Variants in ARHGAP21 observed in about 807,000 individuals in gnomAD.
The protein encoded by ARHGAP21 is Rho GTPase activating protein 21.
ARHGAP21 carries 38 observed loss-of-function variants against 164.6 expected under a neutral mutation model. That is an observed-to-expected ratio of 0.23 (90% confidence interval 0.18 to 0.30). The LOEUF (loss-of-function observed/expected upper bound fraction) is 0.30, where lower values mean the gene tolerates loss of function less well. Among genes scored for constraint, ARHGAP21 ranks in the 10% least tolerant of loss-of-function variants. The pLI is 1.00. For synonymous variants in ARHGAP21, 766 were observed against 857.9 expected (o/e 0.89, Z 1.87); for missense variants, 1,822 against 2,370.7 (o/e 0.77, Z 4.81).
chr10:24,585,664 G>A lies in ARHGAP21; in HGVS notation c.4625C>T (p.Thr1542Ile), dbSNP rs2076073104. The A allele has an allele frequency of 1.2e-6, 2 of 1,614,194 alleles. No individual in the cohort carries two copies. The highest frequency in any genetic ancestry group is 1.7e-5 in the Admixed American group (1 of 60,014). The change falls in exon 26 of 26, where the codon ACA becomes ATA. Residue 1542 changes from threonine (T) to isoleucine (I), a missense_variant. Physicochemically the swap from Thr to Ile is moderately conservative, Grantham distance 89 (BLOSUM62 -1). Around this residue, in one of 5 missense-constraint regions of ARHGAP21, gnomAD observed 333 missense variants for 383.9 expected, o/e 0.87. Coordinates refer to ENST00000396432, the MANE Select transcript of ARHGAP21 (RefSeq NM_020824.4). ...LAQKSSHLEETGSDSGTLLST... is the reference protein window; with the variant it reads ...LAQKSSHLEEIGSDSGTLLST... ...GAGCAAAGTGCCAGAGTCAGAGCCT[G>A]TCTCTTCAAGGTGGGAGGACTTCTG... is the stretch of plus-strand genomic sequence containing the variant.
intron 9 of ARHGAP21, among the ~76,000 whole-genome samples, chr10:24,616,057 C>A (rs1028733408): frequency 6.6e-6 from 1 of 152,054 alleles, no homozygotes; most frequent in African/African-American, 2.4e-5. Context: ...GGATTACGGG[C>A]GCAAGCCACT....
chr10:24,668,631 T>C (rs942405627), intron 3 of ARHGAP21, among the ~76,000 whole-genome samples: 2 of 152,192 alleles, frequency 1.3e-5, no homozygotes, highest in African/African-American at 4.8e-5. Context: ...TTTTGGTCTT[T>C]ATTTACAAGT....
intron 9 of ARHGAP21, among the ~76,000 whole-genome samples, chr10:24,614,264 T>C (rs2077383803): frequency 6.6e-6 from 1 of 152,146 alleles, no homozygotes; most frequent in African/African-American, 2.4e-5. Context: ...AATAAAGAAG[T>C]TGGACTTGGG....
rs764726671 is a variant in ARHGAP21 at position 24,635,026 on chromosome 10, C to T, written c.346G>A (p.Ala116Thr). Residue 116 changes from alanine to threonine, a missense_variant, in exon 5 of 26, where the codon GCT (alanine) becomes ACT (threonine). Ala to Thr is a moderately conservative substitution (Grantham distance 58). Coordinates refer to ENST00000396432, the MANE Select transcript of ARHGAP21 (RefSeq NM_020824.4). Reference protein sequence around the residue: ...QVKEGGPAFEAGLCTGDRIIK... With the variant: ...QVKEGGPAFETGLCTGDRIIK... ...ATATCAGCACCTGTACATAATCCAG[C>T]TTCAAAAGCAGGTCCTCCTTCTTTA... 2.5e-6 allele frequency: 4 copies of T among 1,594,590 alleles called. No individual in the cohort carries two copies. The highest frequency in any genetic ancestry group is 1.7e-6 in the Non-Finnish European group (2 of 1,172,366).
intron 7 of ARHGAP21, among the ~76,000 whole-genome samples, chr10:24,626,780 A>G (rs1835182909): frequency 1.3e-5 from 2 of 152,344 alleles, no homozygotes; most frequent in South Asian, 2.1e-4. Flanking sequence ...TGCAATAAAC[A>G]CGAACCTGTC....
chr10:24,684,043 T>C (rs888757855), intron 2 of ARHGAP21, among the ~76,000 whole-genome samples: 1 of 152,292 alleles, frequency 6.6e-6, no homozygotes, highest in African/African-American at 2.4e-5. Flanking sequence ...TCCCAGCACA[T>C]TGGGAGGCCA....
In ARHGAP21 at chr10:24,594,997, G is replaced by A. The variant is rs1383039214; in HGVS notation, c.3829C>T (p.Leu1277Phe). The stretch of plus-strand genomic sequence containing the variant: ...GCCACTGTCTTCAGATGAGCTGAAA[G>A]GAACTTAAGTGTTTCATAATGATGT... Reference protein sequence around the residue: ...PEHHYETLKFLSAHLKTVAEN... With the variant: ...PEHHYETLKFFSAHLKTVAEN... Residue 1277 changes from leucine to phenylalanine, a missense_variant, in exon 21 of 26, where the codon CTT (leucine) becomes TTT (phenylalanine). Coordinates refer to ENST00000396432, the MANE Select transcript of ARHGAP21 (RefSeq NM_020824.4). 6.2e-7 allele frequency: 1 copy of A among 1,612,926 alleles called. No homozygotes were observed.
Position 24,591,957 on chromosome 10 carries a change from T to C in ARHGAP21, c.3932A>G (p.Glu1311Gly). ...GGTGACCATGTGGGTCATGTTGTCT[T>C]CTGATGTTCGAACAAGGGTGGGACC... ...VFGPTLVRTS[E>G]DNMTHMVTHM... The change falls in exon 22 of 26, where the codon GAA becomes GGA. Residue 1311 changes from glutamate to glycine, a missense_variant. Transcript: ENST00000396432. 3 of 1,613,866 alleles carry C rather than the reference T, an allele frequency of 1.9e-6. No individual in the cohort carries two copies. The highest frequency in any genetic ancestry group is 2.5e-6 in the Non-Finnish European group (3 of 1,179,908).
At position 24,640,307 on chromosome 10, in the gene ARHGAP21, T is replaced by TATATATAA. The variant is rs1175994966; in HGVS notation, c.269-5205_269-5204insTTATATAT. The TATATATAA allele has an allele frequency of 1.4e-3, 211 of 150,996 alleles. 4 individuals carry two copies. The East Asian group carries it at 0.035, about 25-fold the overall frequency. 9.4% of individuals were successfully genotyped at this position (150,996 alleles called of 1,614,324 possible). Reference sequence around the variant, plus strand: ...GCTTTAAAATATATATATATATATATAAGAAAGAAAGAAAATAATGGTTAT... The same window carrying TATATATAA: ...GCTTTAAAATATATATATATATATATATATATAAAAGAAAGAAAGAAAATAATGGTTAT... On this transcript the variant is annotated intron_variant, in intron 4 of 25. Coordinates refer to ENST00000396432, the MANE Select transcript of ARHGAP21 (RefSeq NM_020824.4).
chr10:24,589,383 A>C, intron 24 of ARHGAP21, 81 bp from the exon 25 acceptor site: 1 of 1,290,786 alleles, frequency 7.7e-7, no homozygotes, highest in Non-Finnish European at 1.1e-6. Flanking sequence ...TTATGGAAAG[A>C]CAGGCACAGA....
intron 8 of ARHGAP21, among the ~76,000 whole-genome samples, chr10:24,621,974 A>T (rs987764405): frequency 3.3e-5 from 5 of 152,294 alleles, no homozygotes; most frequent in South Asian, 2.1e-4. Context: ...TAAAGCACAT[A>T]TAATAAAGGC....
At chr10:24,628,078 A>G (rs186452394) in intron 7 of ARHGAP21, among the ~76,000 whole-genome samples, 122 of 152,346 alleles carry the variant, frequency 8.0e-4, no homozygotes, top group Non-Finnish European at 1.1e-3. Context: ...CTGTATAAGA[A>G]GAGCACTAGA....
chr10:24,620,937 G>A lies in ARHGAP21; in HGVS notation c.958C>T (p.Pro320Ser). ...TGAGTGGTGGGAATTGATAATGGTG[G>A]TGATGTGGTTCTTGACACTGTTTTT... ...SLKTVSRTTS[P>S]PLSIPTTHLI... Residue 320 changes from proline to serine, a missense_variant, in exon 9 of 26, where the codon CCA becomes TCA. Coordinates refer to ENST00000396432, the MANE Select transcript of ARHGAP21 (RefSeq NM_020824.4). 1.9e-6 allele frequency: 3 copies of A among 1,613,946 alleles called. No homozygotes were observed. The highest frequency in any genetic ancestry group is 1.7e-6 in the Non-Finnish European group (2 of 1,179,858).
intron 2 of ARHGAP21, among the ~76,000 whole-genome samples, chr10:24,683,572 A>G (rs545254493): frequency 2.0e-5 from 3 of 151,906 alleles, no homozygotes; most frequent in South Asian, 2.1e-4. Context: ...GCTCACTGCA[A>G]CCTCCACCTC....
intron 14 of ARHGAP21, 131 bp downstream of exon 14, chr10:24,600,510 CCTTTT>C (rs2076770986): frequency 1.8e-6 from 2 of 1,117,868 alleles, no homozygotes; most frequent in South Asian, 3.7e-5. Context: ...TTTGAGTTTT[CCTTTT>C]CATCAACTGT....
intron 2 of ARHGAP21, among the ~76,000 whole-genome samples, chr10:24,689,940 A>ATG (rs550338378): frequency 2.7e-5 from 1 of 36,668 alleles, no homozygotes; most frequent in South Asian, 6.1e-4. Flanking sequence ...ATATGTATAT[A>ATG]TGTATATGTG....
rs2075993761 is a variant in ARHGAP21, at chr10:24,583,917, A to T, written c.*495T>A. 6.5e-6 allele frequency: 1 copy of T among 152,686 alleles called. No individual in the cohort carries two copies. Among genetic ancestry groups the T allele is most frequent in the Admixed American group, 6.5e-5 (1 of 15,284 alleles). 9.5% of individuals were successfully genotyped at this position (152,686 alleles called of 1,614,324 possible). A position where few individuals can be genotyped will look rare whatever the true frequency, so the allele number is the denominator to read the frequency against. On this transcript the variant is annotated 3_prime_UTR_variant, in exon 26 of 26. Transcript: ENST00000396432. Reference sequence around the variant, plus strand: ...GAATATAAAACTCAGATCCACCTGGAATGACTAAAGAATGGAAGTTCTGTA... The same window carrying T: ...GAATATAAAACTCAGATCCACCTGGTATGACTAAAGAATGGAAGTTCTGTA...
rs374014390 is a variant in ARHGAP21, at chr10:24,663,531, CTAT to C, written c.268+3451_268+3453del. Among the ~76,000 whole-genome samples, 437 of 152,056 alleles carry C rather than the reference CTAT, an allele frequency of 2.9e-3. 4 individuals carry two copies. The highest frequency in any genetic ancestry group is 9.1e-3 in the African/African-American group (376 of 41,478). On this transcript the variant is annotated intron_variant, in intron 4 of 25. Coordinates refer to ENST00000396432, the MANE Select transcript of ARHGAP21 (RefSeq NM_020824.4). Reference sequence around the variant, plus strand: ...ATTCGGGACCAGGTAATGGTAATAACTATTATTATTATTTTGAGACAGAGTCTT... The same window carrying C: ...ATTCGGGACCAGGTAATGGTAATAACTATTATTATTTTGAGACAGAGTCTT...
In ARHGAP21 at chr10:24,723,577, G is replaced by T; in HGVS notation, c.-396C>A. On this transcript the variant is annotated 5_prime_UTR_variant, in exon 1 of 26. Coordinates refer to ENST00000396432, the MANE Select transcript of ARHGAP21 (RefSeq NM_020824.4). ...AGACACGCACCAGAGGAAGCGGGAC[G>T]AGTGGATCCGCACGGGGCTGGCCGG... 6.8e-6 allele frequency: 1 copy of T among 147,594 alleles called. No homozygotes were observed. Among genetic ancestry groups the T allele is most frequent in the South Asian group, 1.9e-4 (1 of 5,212 alleles). 9.1% of individuals were successfully genotyped at this position (147,594 alleles called of 1,614,324 possible).
Sources: allele counts gnomAD v4.1 joint callset (sites outside exome capture counted in the v4.1 genomes callset), GRCh38; gene constraint gnomAD v4.1.1; regional missense constraint gnomAD v4.1.1; transcripts MANE v1.5; gene names NCBI Gene and HGNC (gene_info 2026-07-23, HGNC 2026-07-21).